The following RYR2 variants were observed in gnomAD, a reference collection of about 807,000 sequenced individuals.
RYR2 encodes ryanodine receptor 2, also known as cardiac muscle ryanodine receptor-calcium release channel.
Under a neutral mutation model 601.1 loss-of-function variants are expected in RYR2, and 227 were observed. The observed-to-expected ratio is 0.38, with a 90% confidence interval of 0.34 to 0.42. The LOEUF is 0.42. RYR2 is among the 10% of genes least tolerant of loss of function. RYR2 has a pLI of 1.00. For missense variants in RYR2, 4,646 were observed against 6,156.5 expected (o/e 0.75, Z 8.21); for synonymous variants, 2,223 against 2,175.1 (o/e 1.02, Z -0.61).
chr1:237,510,891 A>T (rs531380463), intron 23 of RYR2, among the ~76,000 whole-genome samples: 1 of 152,256 alleles, frequency 6.6e-6, no homozygotes, highest in Non-Finnish European at 1.5e-5. Context: ...AAGAATTAAT[A>T]TAAAAACCAC....
chr1:237,212,771 GTTATTA>G (rs35584787), intron 1 of RYR2, among the ~76,000 whole-genome samples: 1 of 151,226 alleles, frequency 6.6e-6, no homozygotes, highest in African/African-American at 2.4e-5. Flanking sequence ...ACCATGATTG[GTTATTA>G]TTATTATTAT....
At position 237,832,679 on chromosome 1, in the gene RYR2, C is replaced by A. The variant is rs761989385; in HGVS notation, c.*32C>A. The A allele has an allele frequency of 1.3e-5, 16 of 1,278,790 alleles. No individual in the cohort carries two copies. In the Middle Eastern group the frequency reaches 7.4e-4, roughly 59 times the overall value. The allele number at this position is 1,278,790 out of a possible 1,614,324, so 79.2% of individuals were successfully genotyped here. On this transcript the variant is annotated 3_prime_UTR_variant, in exon 105 of 105. Coordinates refer to ENST00000366574, the MANE Select transcript of RYR2 (RefSeq NM_001035.3). ...ACCCAATCACCTCTAAAAACCAAAA[C>A]CCTACCCCTCTCTCTCCCTCTCTCA...
rs906357095 is a variant in RYR2 at position 237,509,011 on chromosome 1, G to A, written c.2718+2197G>A. Among the ~76,000 whole-genome samples, 5 of 151,950 alleles carry A rather than the reference G, an allele frequency of 3.3e-5. No homozygotes were observed. The East Asian group carries it at 9.7e-4, about 29-fold the overall frequency. On this transcript the variant is annotated intron_variant, in intron 23 of 104. Transcript: ENST00000366574. ...CCCGCCTCGGCCTCCCAAAGTGCTG[G>A]GATTACAGGCGTGAGCCACCGCGCC...
chr1:237,175,980 C>T (rs1355184274), intron 1 of RYR2, among the ~76,000 whole-genome samples: 3 of 152,012 alleles, frequency 2.0e-5, no homozygotes, highest in Non-Finnish European at 4.4e-5. Context: ...GCCTGTCATC[C>T]CAGCACATTG....
In RYR2 at chr1:237,617,401, A is replaced by G; in HGVS notation, c.5831A>G (p.Tyr1944Cys). Residue 1944 changes from tyrosine to cysteine, a missense_variant, in exon 38 of 105, where the codon TAC (tyrosine) becomes TGC (cysteine). This residue lies in a region of RYR2 where 1,807 missense variants were observed against 2,088.1 expected (regional missense o/e 0.87). Transcript: ENST00000366574. ...CTCCAAGACAATCAACGTTTCCGAT[A>G]CAACGAAGTCATGCAAGCCTTAAAC... is the stretch of plus-strand genomic sequence containing the variant. ...AKLQDNQRFR[Y>C]NEVMQALNMS... 6.2e-7 allele frequency: 1 copy of G among 1,614,024 alleles called. No homozygotes were observed. The highest frequency in any genetic ancestry group is 8.5e-7 in the Non-Finnish European group (1 of 1,179,886).
intron 104 of RYR2, among the ~76,000 whole-genome samples, chr1:237,832,115 T>C (rs1288172136): frequency 6.6e-6 from 1 of 152,154 alleles, no homozygotes; most frequent in Non-Finnish European, 1.5e-5. Flanking sequence ...CAGGACCTAC[T>C]ACAGCCTTGA....
chr1:237,784,370 G>A lies in RYR2; in HGVS notation c.12658G>A (p.Glu4220Lys), dbSNP rs753433827. ...DLNERSANKE[E>K]SEKERPEEQG... Reference sequence around the variant, plus strand: ...GAACGAGAGGTCAGCGAATAAGGAAGAAAGCGAGAAGGAGAGGCCGGAAGA... The same window carrying A: ...GAACGAGAGGTCAGCGAATAAGGAAAAAAGCGAGAAGGAGAGGCCGGAAGA... Residue 4220 changes from glutamate to lysine, a missense_variant, in exon 90 of 105, where the codon GAA (glutamate) becomes AAA (lysine). Around this residue, in one of 17 missense-constraint regions of RYR2, gnomAD observed 364 missense variants for 442.9 expected, o/e 0.82. Transcript: ENST00000366574. The surrounding 1 kb of genome is among the most constrained non-coding windows in gnomAD (Gnocchi z 7.1). The A allele has an allele frequency of 4.3e-6, 7 of 1,613,870 alleles. No homozygotes were observed. In the Admixed American group the frequency reaches 6.7e-5, roughly 15 times the overall value.
At chr1:237,072,371 C>T (rs988837231) in intron 1 of RYR2, among the ~76,000 whole-genome samples, 11 of 152,172 alleles carry the variant, frequency 7.2e-5, no homozygotes, top group African/African-American at 1.4e-4. Flanking sequence ...TGATCAGGGT[C>T]GGCTTCCAGG....
intron 10 of RYR2, among the ~76,000 whole-genome samples, chr1:237,398,857 G>A (rs765456326): frequency 6.6e-5 from 10 of 152,298 alleles, no homozygotes; most frequent in South Asian, 2.1e-4. Context: ...TGTCCATAGC[G>A]TGGGATACTA....
At chr1:237,186,793 T>C (rs1183797229) in intron 1 of RYR2, among the ~76,000 whole-genome samples, 1 of 152,248 alleles carries the variant, frequency 6.6e-6, no homozygotes, top group Non-Finnish European at 1.5e-5. Flanking sequence ...CATCTCCTTG[T>C]GGCTGTGGCA....
intron 11 of RYR2, among the ~76,000 whole-genome samples, chr1:237,417,925 G>A (rs188134858): frequency 2.0e-5 from 3 of 152,122 alleles, no homozygotes; most frequent in Admixed American, 6.5e-5. Flanking sequence ...AGACTTTATT[G>A]ATTTAGGATG....
At chr1:237,683,179 C>T (rs1038365574) in intron 62 of RYR2, among the ~76,000 whole-genome samples, 5 of 152,130 alleles carry the variant, frequency 3.3e-5, no homozygotes, top group East Asian at 1.9e-4. Context: ...TGTCTTCATT[C>T]GCATGATAAA....
At chr1:237,504,604 A>G (rs1003045845) in intron 22 of RYR2, among the ~76,000 whole-genome samples, 1 of 152,224 alleles carries the variant, frequency 6.6e-6, no homozygotes, top group African/African-American at 2.4e-5. Context: ...CAATACTTTT[A>G]AAAATAGGCA....
chr1:237,789,006 TTATATGTGTATATATGTATAATTA>T, intron 92 of RYR2, among the ~76,000 whole-genome samples: 1 of 151,454 alleles, frequency 6.6e-6, no homozygotes, highest in Non-Finnish European at 1.5e-5. Flanking sequence ...ATTTTTATAA[TTATATGTGTATATATGTATAATTA>T]TATGTGTGTA....
intron 1 of RYR2, among the ~76,000 whole-genome samples, chr1:237,230,447 A>G (rs1394074200): frequency 6.6e-6 from 1 of 151,312 alleles, no homozygotes; most frequent in Non-Finnish European, 1.5e-5. Context: ...ATTATACTAC[A>G]TTTTTTTTTC....
chr1:237,502,620 G>A (rs1483654926), intron 21 of RYR2, among the ~76,000 whole-genome samples: 1 of 152,086 alleles, frequency 6.6e-6, no homozygotes, highest in East Asian at 1.9e-4. Context: ...GCACTCCTAT[G>A]AAAATCTAAG....
At chr1:237,691,824 TA>T (rs767846427) in intron 63 of RYR2, among the ~76,000 whole-genome samples, 1 of 152,182 alleles carries the variant, frequency 6.6e-6, no homozygotes, top group Non-Finnish European at 1.5e-5. Flanking sequence ...TTGGTGCACA[TA>T]ACGAATTTTG....
intron 1 of RYR2, among the ~76,000 whole-genome samples, chr1:237,127,571 C>G (rs541387819): frequency 1.3e-5 from 2 of 150,608 alleles, no homozygotes; most frequent in African/African-American, 2.4e-5. Context: ...GCTGACCCCC[C>G]CCACCTCCCT....
At chr1:237,296,897 G>A (rs945862333) in intron 2 of RYR2, among the ~76,000 whole-genome samples, 1 of 152,088 alleles carries the variant, frequency 6.6e-6, no homozygotes, top group Admixed American at 6.6e-5. Context: ...CTGAAACAAT[G>A]GGCTATTCAT....
Sources: allele counts gnomAD v4.1 joint callset (sites outside exome capture counted in the v4.1 genomes callset), GRCh38; gene constraint gnomAD v4.1.1; regional missense constraint gnomAD v4.1.1; non-coding constraint Gnocchi (gnomAD v3.1); transcripts MANE v1.5; gene names NCBI Gene and HGNC (gene_info 2026-07-23, HGNC 2026-07-21).